The following CCDC40 variants were observed in gnomAD, a reference collection of about 807,000 sequenced individuals.
The protein encoded by CCDC40 is coiled-coil domain 40 molecular ruler complex subunit, also known as coiled-coil domain-containing protein 40.
In CCDC40, 104 loss-of-function variants were observed where a neutral mutation model predicts 124.5. The observed-to-expected ratio is 0.84, with a 90% CI of 0.71 to 0.98. The LOEUF is 0.98. CCDC40 is among the 50% of genes least tolerant of loss of function. The pLI is 0.00. For missense variants in CCDC40, 1,463 were observed against 1,503.9 expected (o/e 0.97, Z 0.45); for synonymous variants, 580 against 602.9 (o/e 0.96, Z 0.56).
intron 17 of CCDC40, among the ~76,000 whole-genome samples, chr17:80,092,390 A>G (rs1245255449): frequency 6.6e-6 from 1 of 151,956 alleles, no homozygotes; most frequent in East Asian, 1.9e-4. Flanking sequence ...CCACATCATG[A>G]TATATTTCCT....
chr17:80,088,200 T>C (rs2038630549), intron 16 of CCDC40, 98 bp downstream of exon 16: 1 of 797,254 alleles, frequency 1.3e-6, no homozygotes, highest in Non-Finnish European at 2.2e-6. Flanking sequence ...GTGTGGCAGC[T>C]CACACCCATA....
intron 4 of CCDC40, 189 bp from the exon 5 acceptor site, chr17:80,048,394 A>G (rs1203270272): frequency 6.2e-6 from 4 of 647,332 alleles, no homozygotes; most frequent in South Asian, 5.1e-5. Context: ...TCTGGGATGC[A>G]TTGAGTCAGG....
At chr17:80,083,709 C>A (rs888910808) in intron 12 of CCDC40, among the ~76,000 whole-genome samples, 1 of 152,202 alleles carries the variant, frequency 6.6e-6, no homozygotes, top group African/African-American at 2.4e-5. Context: ...ATAAACCCCC[C>A]GTTGCCAGAA....
chr17:80,099,215 C>T (rs1436961840), intron 19 of CCDC40, among the ~76,000 whole-genome samples: 1 of 151,814 alleles, frequency 6.6e-6, no homozygotes, highest in African/African-American at 2.4e-5. Flanking sequence ...GGCGTGAACC[C>T]GGGAGGCGGA....
At chr17:80,090,810 A>G in intron 17 of CCDC40, 3 of 1,221,114 alleles carry the variant, frequency 2.5e-6, no homozygotes, top group Non-Finnish European at 3.1e-6. Context: ...CACTTTCACC[A>G]TGCCATGCTA....
chr17:80,058,997 C>A lies in CCDC40; in HGVS notation c.1440+17C>A. 1 of 1,614,210 alleles carries A rather than the reference C, an allele frequency of 6.2e-7. No homozygotes were observed. The stretch of plus-strand genomic sequence containing the variant: ...GTGAGTGAGGTAAAAGCAGTCCCCG[C>A]AGCTCTCAGTGTTCGACCCTCCAGT... On this transcript the variant is annotated intron_variant, in intron 9 of 19. Coordinates refer to ENST00000397545, the MANE Select transcript of CCDC40 (RefSeq NM_017950.4). This position sits in a 1 kb window ranked among gnomAD's most constrained non-coding sequence, Gnocchi z 4.2.
intron 3 of CCDC40, among the ~76,000 whole-genome samples, chr17:80,046,405 C>T (rs2037420334): frequency 6.6e-6 from 1 of 151,962 alleles, no homozygotes; most frequent in African/African-American, 2.4e-5. Flanking sequence ...TGGTGGTGTG[C>T]ACCTGTAATC....
At chr17:80,037,688 A>AAAAAATATAT in intron 1 of CCDC40, among the ~76,000 whole-genome samples, 30 of 45,708 alleles carry the variant, frequency 6.6e-4, no homozygotes, top group African/African-American at 1.7e-3. Flanking sequence ...TTTTTTAAAA[A>AAAAAATATAT]AGATATACAT....
rs201924332 is a variant in CCDC40 at position 80,048,627 on chromosome 17, C to G, written c.721C>G (p.Leu241Val). ...VPDAHPREGD[L>V]PVFQDQIQQP... is the part of the protein sequence containing the mutation. The stretch of plus-strand genomic sequence containing the variant: ...CGATGCCCACCCCAGGGAAGGAGAC[C>G]TGCCAGTGTTCCAGGACCAGATCCA... The change falls in exon 5 of 20, where the codon CTG becomes GTG. Residue 241 changes from leucine to valine, a missense_variant. Coordinates refer to ENST00000397545, the MANE Select transcript of CCDC40 (RefSeq NM_017950.4). 6.2e-7 allele frequency: 1 copy of G among 1,614,068 alleles called. No homozygotes were observed. Among genetic ancestry groups the G allele is most frequent in the Admixed American group, 1.7e-5 (1 of 60,020 alleles).
rs1453604467 is a variant in CCDC40 at position 80,086,192 on chromosome 17, G to A, written c.2425G>A (p.Glu809Lys). The A allele has an allele frequency of 3.7e-6, 6 of 1,611,796 alleles. No homozygotes were observed. The highest frequency in any genetic ancestry group is 1.7e-6 in the Non-Finnish European group (2 of 1,179,064). ...DASKKELHIM[E>K]QKKLRVESKI... is the part of the protein sequence containing the mutation. Reference sequence around the variant, plus strand: ...ATCCAAGAAGGAGCTCCACATCATGGAGCAGAAGAAACTACGAGTAGAAAG... The same window carrying A: ...ATCCAAGAAGGAGCTCCACATCATGAAGCAGAAGAAACTACGAGTAGAAAG... The change falls in exon 14 of 20, where the codon GAG (glutamate) becomes AAG (lysine). Residue 809 changes from glutamate to lysine, a missense_variant. Transcript: ENST00000397545. The surrounding 1 kb of genome is among the most constrained non-coding windows in gnomAD (Gnocchi z 5.5).
chr17:80,082,354 A>G (rs1198483639), intron 12 of CCDC40, among the ~76,000 whole-genome samples: 1 of 150,002 alleles, frequency 6.7e-6, no homozygotes, highest in African/African-American at 2.5e-5. Flanking sequence ...TTGTGAGCTC[A>G]TGTTCGCATC....
intron 10 of CCDC40, 63 bp from the exon 11 acceptor site, chr17:80,081,483 G>A: frequency 6.2e-7 from 1 of 1,609,778 alleles, no homozygotes; most frequent in Non-Finnish European, 8.5e-7. Context: ...GTGGGGCGCA[G>A]CTCTGTGCAC....
chr17:80,072,090 T>G (rs2038205300), intron 10 of CCDC40, among the ~76,000 whole-genome samples: 1 of 152,038 alleles, frequency 6.6e-6, no homozygotes, highest in Non-Finnish European at 1.5e-5. Flanking sequence ...CTGCCCCCAC[T>G]TGGCCTCTGA....
At chr17:80,092,905 C>T (rs2038746923) in intron 17 of CCDC40, among the ~76,000 whole-genome samples, 1 of 152,146 alleles carries the variant, frequency 6.6e-6, no homozygotes, top group Non-Finnish European at 1.5e-5. Flanking sequence ...CATTTAGGTC[C>T]ATAATGTATT....
Position 80,049,904 on chromosome 17 carries a change from A to G in CCDC40, c.856-2A>G. On this transcript the variant is annotated splice_acceptor_variant, in intron 5 of 19. Coordinates refer to ENST00000397545, the MANE Select transcript of CCDC40 (RefSeq NM_017950.4). LOFTEE classifies it high-confidence loss of function. Reference sequence around the variant, plus strand: ...ACCACCTGTGGTTTTCCATTGTTCTAGCCCCTGATGGTAAGATTCCAGGCT... The same window carrying G: ...ACCACCTGTGGTTTTCCATTGTTCTGGCCCCTGATGGTAAGATTCCAGGCT... 1 of 1,613,842 alleles carries G rather than the reference A, an allele frequency of 6.2e-7. No individual in the cohort carries two copies. Among genetic ancestry groups the G allele is most frequent in the Non-Finnish European group, 8.5e-7 (1 of 1,179,776 alleles).
chr17:80,044,476 G>C (rs2037361749), intron 3 of CCDC40, among the ~76,000 whole-genome samples: 1 of 152,050 alleles, frequency 6.6e-6, no homozygotes, highest in African/African-American at 2.4e-5. Context: ...TTGAGGCCAG[G>C]AGTTCGAGAC....
At chr17:80,043,068 T>C (rs1052364180) in intron 3 of CCDC40, among the ~76,000 whole-genome samples, 1 of 152,192 alleles carries the variant, frequency 6.6e-6, no homozygotes, top group South Asian at 2.1e-4. Context: ...TTTAAACTCT[T>C]GGTTTATTTA....
rs1258312570 is a variant in CCDC40 at position 80,084,787 on chromosome 17, C to T, written c.2034C>T (p.Thr678=). Residue 678 remains threonine, a synonymous_variant, in exon 13 of 20, where the codon ACC becomes ACT. Transcript: ENST00000397545. ...SKINGDIAQT[T]LDITHTSSRL... is the part of the protein sequence containing the mutation. Reference sequence around the variant, plus strand: ...TCAACGGTGACATTGCCCAGACCACCCTGGACATCACACACACCAGCAGCA... The same window carrying T: ...TCAACGGTGACATTGCCCAGACCACTCTGGACATCACACACACCAGCAGCA... 6.2e-7 allele frequency: 1 copy of T among 1,614,064 alleles called. No individual in the cohort carries two copies. The highest frequency in any genetic ancestry group is 1.7e-5 in the Admixed American group (1 of 60,014).
intron 2 of CCDC40, 83 bp downstream of exon 2, chr17:80,038,269 G>A (rs2037181095): frequency 1.6e-5 from 15 of 953,556 alleles, no homozygotes; most frequent in Non-Finnish European, 2.5e-5. Flanking sequence ...TGTGGCTCAC[G>A]CCTGTAATCC....
Sources: allele counts gnomAD v4.1 joint callset (sites outside exome capture counted in the v4.1 genomes callset), GRCh38; gene constraint gnomAD v4.1.1; non-coding constraint Gnocchi (gnomAD v3.1); transcripts MANE v1.5; gene names NCBI Gene and HGNC (gene_info 2026-07-23, HGNC 2026-07-21).